Variants in SH3RF2 observed in about 807,000 individuals in gnomAD.
SH3RF2 encodes the protein SH3 domain containing ring finger 2.
SH3RF2 carries 43 observed loss-of-function variants against 59.0 expected under a neutral mutation model. The ratio of observed to expected loss-of-function variants is 0.73; its 90% confidence interval spans 0.57 to 0.94. SH3RF2 has a LOEUF of 0.94. Among genes scored for constraint, SH3RF2 ranks in the 40% least tolerant of loss-of-function variants. The pLI is 0.00. For synonymous variants in SH3RF2, 391 were observed against 391.5 expected (o/e 1.00, Z 0.01); for missense variants, 930 against 940.1 (o/e 0.99, Z 0.14).
At chr5:145,951,939 CT>C (rs1192295718) in intron 2 of SH3RF2, among the ~76,000 whole-genome samples, 1 of 152,114 alleles carries the variant, frequency 6.6e-6, no homozygotes, top group African/African-American at 2.4e-5. Context: ...TCAGTTCTAC[CT>C]TTTGATAGCT....
At chr5:146,052,623 A>G (rs1762538438) in intron 7 of SH3RF2, among the ~76,000 whole-genome samples, 1 of 152,012 alleles carries the variant, frequency 6.6e-6, no homozygotes, top group Non-Finnish European at 1.5e-5. Context: ...CAATGCTTTC[A>G]CTGTGTTTAT....
intron 5 of SH3RF2, among the ~76,000 whole-genome samples, chr5:146,033,557 G>A (rs993477016): frequency 8.0e-5 from 11 of 137,246 alleles, no homozygotes; most frequent in South Asian, 2.4e-4. Context: ...TGCAACCTCC[G>A]TCTCCCAGGT....
intron 2 of SH3RF2, among the ~76,000 whole-genome samples, chr5:145,986,658 G>T (rs937090237): frequency 6.6e-5 from 10 of 152,080 alleles, no homozygotes; most frequent in Non-Finnish European, 1.5e-4. Context: ...TTGGCATCTA[G>T]CCCATTTCAA....
In SH3RF2 at chr5:146,020,988, A is replaced by G. The variant is rs910045260; in HGVS notation, c.1059+6927A>G. On this transcript the variant is annotated intron_variant, in intron 5 of 9. Transcript: ENST00000359120. ...TAAAGCTGACTGTCCTTTTAACCCCATATTTGAAATAGTCTGAATAAAGTA... is the reference window on the plus strand; with the variant it reads ...TAAAGCTGACTGTCCTTTTAACCCCGTATTTGAAATAGTCTGAATAAAGTA... 5.3e-5 allele frequency among the ~76,000 whole-genome samples: 8 copies of G among 152,248 alleles called. No homozygotes were observed. In the East Asian group the frequency reaches 1.5e-3, roughly 29 times the overall value.
At chr5:146,040,219 TG>T (rs1762075864) in intron 5 of SH3RF2, among the ~76,000 whole-genome samples, 1 of 152,200 alleles carries the variant, frequency 6.6e-6, no homozygotes, top group African/African-American at 2.4e-5. Flanking sequence ...TTTCTTAAGT[TG>T]GGTGGTATGT....
intron 2 of SH3RF2, among the ~76,000 whole-genome samples, chr5:145,957,696 TA>T (rs920124772): frequency 1.3e-5 from 2 of 151,634 alleles, no homozygotes; most frequent in Non-Finnish European, 2.9e-5. Flanking sequence ...ACTATAACAT[TA>T]AAAAAAACGT....
At chr5:146,034,917 C>A (rs1251998175) in intron 5 of SH3RF2, among the ~76,000 whole-genome samples, 1 of 152,086 alleles carries the variant, frequency 6.6e-6, no homozygotes. Flanking sequence ...ACCAGCCTGG[C>A]CAACATGGTG....
intron 7 of SH3RF2, among the ~76,000 whole-genome samples, chr5:146,053,256 A>T (rs1762558964): frequency 6.6e-6 from 1 of 152,204 alleles, no homozygotes. Context: ...GCTGTTATTG[A>T]CCACAACTAA....
chr5:146,014,802 A>G (rs1358661749), intron 5 of SH3RF2, among the ~76,000 whole-genome samples: 2 of 152,190 alleles, frequency 1.3e-5, no homozygotes, highest in Non-Finnish European at 2.9e-5. Flanking sequence ...GCCTCTTAAT[A>G]CTATTGTTAA....
chr5:145,959,053 GAC>G (rs1687714800), intron 2 of SH3RF2, among the ~76,000 whole-genome samples: 1 of 152,096 alleles, frequency 6.6e-6, no homozygotes, highest in African/African-American at 2.4e-5. Flanking sequence ...TGTCCAGAGA[GAC>G]ACAGAATAAA....
At position 146,062,693 on chromosome 5, in the gene SH3RF2, A is replaced by C. The variant is rs1285908710; in HGVS notation, c.2182A>C (p.Ser728Arg). 6.2e-7 allele frequency: 1 copy of C among 1,612,750 alleles called. No homozygotes were observed. Among genetic ancestry groups the C allele is most frequent in the Non-Finnish European group, 8.5e-7 (1 of 1,178,840 alleles). Reference sequence around the variant, plus strand: ...CTCAGGCACGCAGACCGTGTTTCCCAGCAAATGAACCTACGGGTGGCTTTT... The same window carrying C: ...CTCAGGCACGCAGACCGTGTTTCCCCGCAAATGAACCTACGGGTGGCTTTT... The part of the protein sequence containing the change: ...TASGTQTVFP[S>R]K The change falls in exon 10 of 10, where the codon AGC (serine) becomes CGC (arginine). Residue 728 changes from serine to arginine, a missense_variant. Coordinates refer to ENST00000359120, the MANE Select transcript of SH3RF2 (RefSeq NM_152550.4).
chr5:146,018,511 C>T (rs1312428058), intron 5 of SH3RF2, among the ~76,000 whole-genome samples: 1 of 147,864 alleles, frequency 6.8e-6, no homozygotes, highest in Admixed American at 7.0e-5. Context: ...GATATATACA[C>T]ACCCACACAC....
At chr5:146,043,195 T>C (rs1366162052) in intron 5 of SH3RF2, 2 of 152,422 alleles carry the variant, frequency 1.3e-5, no homozygotes, top group African/African-American at 2.4e-5. Flanking sequence ...TCTCTGCCTA[T>C]GTCTATCTTG....
At chr5:146,069,309 G>C (rs1318635332) in intron 9 of SH3RF2, among the ~76,000 whole-genome samples, 1 of 152,120 alleles carries the variant, frequency 6.6e-6, no homozygotes, top group African/African-American at 2.4e-5. Context: ...CATCTGTTTT[G>C]GGAGACCTTG....
chr5:145,956,731 A>C (rs1225936995), intron 2 of SH3RF2, among the ~76,000 whole-genome samples: 1 of 152,240 alleles, frequency 6.6e-6, no homozygotes, highest in Non-Finnish European at 1.5e-5. Flanking sequence ...AAGGATCAAG[A>C]CCACAAATCT....
chr5:146,010,037 C>T (rs963883346), intron 4 of SH3RF2, among the ~76,000 whole-genome samples: 19 of 151,968 alleles, frequency 1.3e-4, no homozygotes, highest in African/African-American at 4.6e-4. Context: ...ACTCCCCCCA[C>T]CCCACGACAG....
At chr5:145,982,556 G>A (rs545621004) in intron 2 of SH3RF2, among the ~76,000 whole-genome samples, 2 of 152,278 alleles carry the variant, frequency 1.3e-5, no homozygotes, top group South Asian at 2.1e-4. Flanking sequence ...GTTCTGGTAG[G>A]ACATATTTGG....
rs7706291 is a variant in SH3RF2 at position 146,058,097 on chromosome 5, C to G, written c.1556-1769C>G. 4.4e-3 allele frequency among the ~76,000 whole-genome samples: 667 copies of G among 152,222 alleles called. 5 individuals carry two copies. The highest frequency in any genetic ancestry group is 0.015 in the African/African-American group (643 of 41,524). On this transcript the variant is annotated intron_variant, in intron 8 of 9. Coordinates refer to ENST00000359120, the MANE Select transcript of SH3RF2 (RefSeq NM_152550.4). ...TTGCTCACACTTTCCTTAATATACT[C>G]CCTCTCCACCTTTGCAAAACCTTGA...
rs370411031 is a variant in SH3RF2 at position 146,049,012 on chromosome 5, A to T, written c.1152-63A>T. ...GGCAGTCTCTCTCCACCATTCCCCC[A>T]CTCCATGCCCCCCATCAGGCACGTC... On this transcript the variant is annotated intron_variant, in intron 6 of 9. Coordinates refer to ENST00000359120, the MANE Select transcript of SH3RF2 (RefSeq NM_152550.4). The T allele has an allele frequency of 3.5e-4, 552 of 1,579,660 alleles. 4 individuals are homozygous for T. The South Asian group carries it at 5.8e-3, about 17-fold the overall frequency.
Sources: gnomAD v4.1 joint callset for allele counts (sites outside exome capture counted in the v4.1 genomes callset) on GRCh38, gnomAD v4.1.1 for gene constraint, MANE v1.5 for transcripts, NCBI Gene and HGNC (gene_info 2026-07-23, HGNC 2026-07-21) for gene names.